The following CENPW variants were observed in gnomAD, a reference collection of about 807,000 sequenced individuals.
CENPW encodes centromere protein W, also known as cancer-up-regulated gene 2 protein.
CENPW carries 3 observed loss-of-function variants against 11.1 expected under a neutral mutation model. The ratio of observed to expected loss-of-function variants is 0.27; its 90% CI spans 0.12 to 0.70. The LOEUF (loss-of-function observed/expected upper bound fraction) is 0.70. Ranked by LOEUF, CENPW falls within the 30% of genes least tolerant of loss-of-function variation. The pLI, the probability that CENPW is intolerant of heterozygous loss-of-function variation, is 0.77. For synonymous variants in CENPW, 38 were observed against 42.0 expected, an observed-to-expected ratio of 0.91 and a Z score of 0.37; for missense variants, 100 against 105.6, an observed-to-expected ratio of 0.95 and a Z score of 0.23.
At chr6:126,448,700 G>A in the CENPW span, among the ~76,000 whole-genome samples, 1,886 of 151,024 alleles carry the variant, frequency 0.012, 14 homozygotes, top group Admixed American at 0.02. Flanking sequence ...TTGAGGCTTT[G>A]CTGTCACTGG....
the CENPW span, among the ~76,000 whole-genome samples, chr6:126,404,092 C>T: frequency 6.6e-6 from 1 of 152,046 alleles, no homozygotes; most frequent in Non-Finnish European, 1.5e-5. Flanking sequence ...CATCTGTTGA[C>T]AGCATGGTTT....
At chr6:126,447,340 G>GT in the CENPW span, among the ~76,000 whole-genome samples, 2 of 151,116 alleles carry the variant, frequency 1.3e-5, no homozygotes, top group Non-Finnish European at 3.0e-5. Flanking sequence ...GGAGAGAATT[G>GT]TTTTTTGAAA....
the CENPW span, among the ~76,000 whole-genome samples, chr6:126,403,092 C>A: frequency 6.6e-6 from 1 of 151,976 alleles, no homozygotes; most frequent in African/African-American, 2.4e-5. Context: ...ACAAATTATG[C>A]CCATACAAGA....
the CENPW span, among the ~76,000 whole-genome samples, chr6:126,391,783 A>T: frequency 6.6e-6 from 1 of 151,702 alleles, no homozygotes; most frequent in East Asian, 1.9e-4. Flanking sequence ...TTCACTGTAG[A>T]TGTATGGATT....
At chr6:126,402,508 T>TCCCA in the CENPW span, among the ~76,000 whole-genome samples, 7 of 134,706 alleles carry the variant, frequency 5.2e-5, no homozygotes. Context: ...CTCTATTTTC[T>TCCCA]CCCACCCACC....
the CENPW span, among the ~76,000 whole-genome samples, chr6:126,464,147 C>T: frequency 6.6e-6 from 1 of 152,010 alleles, no homozygotes; most frequent in African/African-American, 2.4e-5. Context: ...ACCCTAGAAA[C>T]ATAGGGCTGG....
the CENPW span, among the ~76,000 whole-genome samples, chr6:126,434,008 A>G: frequency 9.2e-5 from 14 of 152,164 alleles, no homozygotes; most frequent in African/African-American, 3.4e-4. Flanking sequence ...ACTTGCAGTT[A>G]TCTTCTCTCT....
chr6:126,382,095 A>G, the CENPW span, among the ~76,000 whole-genome samples: 1 of 151,974 alleles, frequency 6.6e-6, no homozygotes, highest in Non-Finnish European at 1.5e-5. Flanking sequence ...CAAAACAACA[A>G]TAACAAAAAA....
Position 126,342,465 on chromosome 6 carries a change from T to C in CENPW, c.126+2066T>C, listed in dbSNP as rs140529358. 9.3e-4 allele frequency among the ~76,000 whole-genome samples: 141 copies of C among 152,306 alleles called. 3 individuals are homozygous for C. In the East Asian group the frequency reaches 0.022, roughly 24 times the overall value. Reference sequence around the variant, plus strand: ...GTTTTCATATGCTGATGTTTCCTAGTGTGGTATGCAGCTTCTTGAGGAGAA... The same window carrying C: ...GTTTTCATATGCTGATGTTTCCTAGCGTGGTATGCAGCTTCTTGAGGAGAA... On this transcript the variant is annotated intron_variant, in intron 1 of 2. Transcript: ENST00000368328.
chr6:126,340,269 A>G lies in CENPW; in HGVS notation c.-5A>G, dbSNP rs757793929. 1 of 1,613,284 alleles carries G rather than the reference A, an allele frequency of 6.2e-7. No homozygotes were observed. The highest frequency in any genetic ancestry group is 1.1e-5 in the South Asian group (1 of 91,006). On this transcript the variant is annotated 5_prime_UTR_variant, in exon 1 of 3. Transcript: ENST00000368328. The stretch of plus-strand genomic sequence containing the variant: ...AGCTGAGGCAGCTGGTACTTGACAG[A>G]GAGGATGGCGCTGTCGACCATAGTC...
At chr6:126,451,612 A>C in the CENPW span, among the ~76,000 whole-genome samples, 4 of 151,066 alleles carry the variant, frequency 2.6e-5, no homozygotes, top group African/African-American at 9.7e-5. Context: ...GGAACCTGCA[A>C]GGAGACTAAA....
At chr6:126,435,921 A>G in the CENPW span, among the ~76,000 whole-genome samples, 2 of 151,772 alleles carry the variant, frequency 1.3e-5, no homozygotes, top group South Asian at 4.1e-4. Context: ...ACTACACTGT[A>G]TTTTTTTAAT....
At chr6:126,444,239 A>G in the CENPW span, among the ~76,000 whole-genome samples, 1 of 150,964 alleles carries the variant, frequency 6.6e-6, no homozygotes, top group African/African-American at 2.4e-5. Context: ...TTTATTTCAG[A>G]AAAGTTTTCC....
the CENPW span, among the ~76,000 whole-genome samples, chr6:126,432,298 TAA>T: frequency 6.6e-6 from 1 of 152,050 alleles, no homozygotes; most frequent in Non-Finnish European, 1.5e-5. Context: ...ACTTTGAGTG[TAA>T]GCAATTAGTT....
At chr6:126,361,906 C>G in the CENPW span, among the ~76,000 whole-genome samples, 1 of 152,170 alleles carries the variant, frequency 6.6e-6, no homozygotes, top group Non-Finnish European at 1.5e-5. Flanking sequence ...CTCAGTACTC[C>G]AGAGCTGTGT....
At chr6:126,436,504 C>G in the CENPW span, among the ~76,000 whole-genome samples, 1 of 151,736 alleles carries the variant, frequency 6.6e-6, no homozygotes, top group Non-Finnish European at 1.5e-5. Context: ...ATATTTCCTT[C>G]TAAATATGAG....
the CENPW span, among the ~76,000 whole-genome samples, chr6:126,440,119 T>A: frequency 1.3e-5 from 2 of 151,796 alleles, no homozygotes; most frequent in East Asian, 3.9e-4. Flanking sequence ...CTACTTATAT[T>A]TAAATGATTT....
chr6:126,378,753 A>G, the CENPW span, among the ~76,000 whole-genome samples: 1 of 152,186 alleles, frequency 6.6e-6, no homozygotes, highest in Non-Finnish European at 1.5e-5. Context: ...AATGTCAGAC[A>G]TGTTTATGTG....
the CENPW span, among the ~76,000 whole-genome samples, chr6:126,434,851 T>C: frequency 6.6e-6 from 1 of 151,978 alleles, no homozygotes; most frequent in Non-Finnish European, 1.5e-5. Context: ...ACATCAAAGA[T>C]CAATGATCAA....
Sources: allele counts gnomAD v4.1 joint callset (sites outside exome capture counted in the v4.1 genomes callset), GRCh38; gene constraint gnomAD v4.1.1; transcripts MANE v1.5; gene names NCBI Gene and HGNC (gene_info 2026-07-23, HGNC 2026-07-21).